Variants in KIAA0408 observed in about 807,000 individuals in gnomAD.
KIAA0408 encodes the protein uncharacterized protein KIAA0408.
A neutral mutation model predicts 60.9 loss-of-function variants in KIAA0408; 51 were observed. The ratio of observed to expected loss-of-function variants is 0.84; its 90% CI spans 0.67 to 1.06. The LOEUF (loss-of-function observed/expected upper bound fraction) is 1.06, where lower values mean the gene tolerates loss of function less well. KIAA0408 is among the 50% of genes least tolerant of loss of function. KIAA0408 has a pLI of 0.00. For missense variants in KIAA0408, 787 were observed against 833.9 expected (o/e 0.94, Z 0.69); for synonymous variants, 304 against 282.4 (o/e 1.08, Z -0.77).
chr6:127,452,743 T>C (rs1583070786), intron 2 of KIAA0408, among the ~76,000 whole-genome samples: 1 of 152,124 alleles, frequency 6.6e-6, no homozygotes, highest in Admixed American at 6.6e-5. Flanking sequence ...CGCTGGAGTT[T>C]TGGATTCTGA....
chr6:127,451,140 A>T (rs1773295709), intron 2 of KIAA0408: 1 of 363,718 alleles, frequency 2.7e-6, no homozygotes, highest in Non-Finnish European at 5.4e-6. Context: ...GGCTTGGGTC[A>T]TGTAAAAGCT....
At chr6:127,451,066 G>A in intron 2 of KIAA0408, 1 of 262,288 alleles carries the variant, frequency 3.8e-6, no homozygotes, top group Non-Finnish European at 7.6e-6. Context: ...TGAGATCTTA[G>A]TTGAACCTGC....
At chr6:127,458,704 G>T (rs1186414028) in intron 1 of KIAA0408, among the ~76,000 whole-genome samples, 1 of 152,158 alleles carries the variant, frequency 6.6e-6, no homozygotes, top group African/African-American at 2.4e-5. Context: ...ACTCTACAGT[G>T]AGTCCACCAC....
Position 127,447,128 on chromosome 6 carries a change from G to T in KIAA0408, c.1191C>A (p.His397Gln). 1.2e-6 allele frequency: 2 copies of T among 1,613,966 alleles called. No homozygotes were observed. The highest frequency in any genetic ancestry group is 1.7e-6 in the Non-Finnish European group (2 of 1,179,960). The change falls in exon 5 of 6, where the codon CAC becomes CAA. Residue 397 changes from histidine to glutamine, a missense_variant. By Grantham distance (24) the His-to-Gln change is conservative. This residue lies in a region of KIAA0408 where 640 missense variants were observed against 681.3 expected (regional missense o/e 0.94). Transcript: ENST00000483725. ...NPKYEMVIPD[H>Q]PAKSHPDLHV... is the part of the protein sequence containing the mutation. Reference sequence around the variant, plus strand: ...GAAGATCAGGATGAGATTTAGCAGGGTGATCTGGGATCACCATTTCATATT... The same window carrying T: ...GAAGATCAGGATGAGATTTAGCAGGTTGATCTGGGATCACCATTTCATATT...
At position 127,453,886 on chromosome 6, in the gene KIAA0408, C is replaced by G. The variant is rs573515663; in HGVS notation, c.96G>C (p.Trp32Cys). 1 of 1,612,768 alleles carries G rather than the reference C, an allele frequency of 6.2e-7. No homozygotes were observed. The highest frequency in any genetic ancestry group is 1.7e-5 in the Admixed American group (1 of 59,942). ...LDQFDNERKE[W>C]ESQWKIMQKK... ...TCTGCATAATCTTCCATTGACTTTC[C>G]CATTCCTTTCTTTCATTGTCAAACT... The change falls in exon 2 of 6, where the codon TGG becomes TGC. Residue 32 changes from tryptophan (W) to cysteine (C), a missense_variant. Coordinates refer to ENST00000483725, the MANE Select transcript of KIAA0408 (RefSeq NM_014702.5).
At chr6:127,449,471 G>A (rs932158793) in intron 4 of KIAA0408, among the ~76,000 whole-genome samples, 1 of 152,004 alleles carries the variant, frequency 6.6e-6, no homozygotes, top group African/African-American at 2.4e-5. Flanking sequence ...CCAACATGGT[G>A]AAATCCCGTC....
chr6:127,446,786 A>T lies in KIAA0408; in HGVS notation c.1533T>A (p.Asn511Lys). 2 of 1,613,848 alleles carry T rather than the reference A, an allele frequency of 1.2e-6. No individual in the cohort carries two copies. The highest frequency in any genetic ancestry group is 1.7e-6 in the Non-Finnish European group (2 of 1,179,956). The part of the protein sequence containing the change: ...MPVPMENVPD[N>K]PTKKSTTGLV... ...GGCCTGTTGTGGATTTCTTGGTGGG[A>T]TTATCAGGCACATTTTCCATGGGCA... is the stretch of plus-strand genomic sequence containing the variant. Residue 511 changes from asparagine to lysine, a missense_variant, in exon 5 of 6, where the codon AAT (asparagine) becomes AAA (lysine). Coordinates refer to ENST00000483725, the MANE Select transcript of KIAA0408 (RefSeq NM_014702.5).
chr6:127,447,113 A>T lies in KIAA0408; in HGVS notation c.1206T>A (p.His402Gln), dbSNP rs1338890314. ...AGTCATTACTTACATGAAGATCAGG[A>T]TGAGATTTAGCAGGGTGATCTGGGA... ...MVIPDHPAKS[H>Q]PDLHVSNDCS... The change falls in exon 5 of 6, where the codon CAT (histidine) becomes CAA (glutamine). Residue 402 changes from histidine (H) to glutamine (Q), a missense_variant. This residue lies in a region of KIAA0408 where 640 missense variants were observed against 681.3 expected (regional missense o/e 0.94). Coordinates refer to ENST00000483725, the MANE Select transcript of KIAA0408 (RefSeq NM_014702.5). The T allele has an allele frequency of 1.2e-6, 2 of 1,613,794 alleles. No individual in the cohort carries two copies. Among genetic ancestry groups the T allele is most frequent in the East Asian group, 4.5e-5 (2 of 44,878 alleles).
In KIAA0408 at chr6:127,444,094, A is replaced by G; in HGVS notation, c.*15T>C. 1 of 1,613,246 alleles carries G rather than the reference A, an allele frequency of 6.2e-7. No individual in the cohort carries two copies. Among genetic ancestry groups the G allele is most frequent in the African/African-American group, 1.3e-5 (1 of 75,004 alleles). ...GGACTAGAACTTCTGTAATATAGCA[A>G]TCCAGGCCAAAGACTTAAACCATCA... On this transcript the variant is annotated 3_prime_UTR_variant, in exon 6 of 6. Transcript: ENST00000483725.
rs1773140425 is a variant in KIAA0408, at chr6:127,443,650, A to G, written c.*459T>C. ...AGTGGATACCTATTAAAAGGTATAC[A>G]AAATATAAACAGTACTGCATATTTT... is the stretch of plus-strand genomic sequence containing the variant. On this transcript the variant is annotated 3_prime_UTR_variant, in exon 6 of 6. Transcript: ENST00000483725. 6.5e-6 allele frequency: 1 copy of G among 153,676 alleles called. No individual in the cohort carries two copies. The highest frequency in any genetic ancestry group is 2.0e-4 in the South Asian group (1 of 4,926). 9.5% of individuals were successfully genotyped at this position (153,676 alleles called of 1,614,324 possible).
intron 5 of KIAA0408, among the ~76,000 whole-genome samples, chr6:127,445,846 G>A (rs1354527262): frequency 2.0e-5 from 3 of 151,914 alleles, no homozygotes; most frequent in African/African-American, 7.2e-5. Context: ...ATACAAATAA[G>A]AATAACCTTA....
In KIAA0408 at chr6:127,443,916, TA is replaced by T. The variant is rs1773143726; in HGVS notation, c.*192del. Reference sequence around the variant, plus strand: ...ATTGGAAAACTAATGAGGATGGCATTAAAAAATTCTGATCTAAGAAATCAAA... The same window carrying T: ...ATTGGAAAACTAATGAGGATGGCATTAAAAATTCTGATCTAAGAAATCAAA... On this transcript the variant is annotated 3_prime_UTR_variant, in exon 6 of 6. Transcript: ENST00000483725. 1 of 564,482 alleles carries T rather than the reference TA, an allele frequency of 1.8e-6. No individual in the cohort carries two copies. The highest frequency in any genetic ancestry group is 1.9e-5 in the African/African-American group (1 of 52,210). 35.0% of individuals were successfully genotyped at this position (564,482 alleles called of 1,614,324 possible).
rs1773123590 is a variant in KIAA0408 at position 127,442,585 on chromosome 6, T to TCAG, written c.*1523_*1524insCTG. On this transcript the variant is annotated 3_prime_UTR_variant, in exon 6 of 6. Coordinates refer to ENST00000483725, the MANE Select transcript of KIAA0408 (RefSeq NM_014702.5). ...CTGTCCTTACAGTAAAGTATGAATC[T>TCAG]AGACATCACCATGCTACAGTCTTGA... The TCAG allele has an allele frequency of 2.6e-5, 4 of 152,214 alleles. No individual in the cohort carries two copies. In the East Asian group the frequency reaches 7.7e-4, roughly 29 times the overall value. The allele number at this position is 152,214 out of a possible 1,614,324, so 9.4% of individuals were successfully genotyped here.
Position 127,447,240 on chromosome 6 carries a change from A to G in KIAA0408, c.1079T>C (p.Met360Thr). ...ACCTATCCCAATGTCACATGACCAC[A>G]TGCTAAGTCCAACATCTTCATTACT... ...PPSNEDVGLS[M>T]WSCDIGIGAK... The change falls in exon 5 of 6, where the codon ATG becomes ACG. Residue 360 changes from methionine (M) to threonine (T), a missense_variant. Physicochemically the swap from Met to Thr is moderately conservative, Grantham distance 81 (BLOSUM62 -1). Around this residue, in one of 3 missense-constraint regions of KIAA0408, gnomAD observed 640 missense variants for 681.3 expected, o/e 0.94. Coordinates refer to ENST00000483725, the MANE Select transcript of KIAA0408 (RefSeq NM_014702.5). The G allele has an allele frequency of 6.2e-7, 1 of 1,613,726 alleles. No individual in the cohort carries two copies. The highest frequency in any genetic ancestry group is 8.5e-7 in the Non-Finnish European group (1 of 1,179,854).
In KIAA0408 at chr6:127,450,002, G is replaced by T. The variant is rs575707998; in HGVS notation, c.486C>A (p.Gly162=). The T allele has an allele frequency of 1.9e-6, 3 of 1,613,678 alleles. No homozygotes were observed. Among genetic ancestry groups the T allele is most frequent in the South Asian group, 2.2e-5 (2 of 91,058 alleles). The change falls in exon 3 of 6, where the codon GGC becomes GGA. Residue 162 remains glycine, a synonymous_variant. Transcript: ENST00000483725. ...TSEEDSKSCS[G]ALSTALEELA... ...ACATCTTACTTACTGTACTGAGGGC[G>T]CCAGAACAGCTCTTGCTGTCTTCCT... is the stretch of plus-strand genomic sequence containing the variant.
Position 127,441,154 on chromosome 6 carries a change from T to C in KIAA0408, c.*2955A>G, listed in dbSNP as rs1278069749. 1.3e-5 allele frequency: 2 copies of C among 152,250 alleles called. No homozygotes were observed. Among genetic ancestry groups the C allele is most frequent in the Non-Finnish European group, 2.9e-5 (2 of 68,020 alleles). 9.4% of individuals were successfully genotyped at this position (152,250 alleles called of 1,614,324 possible). The stretch of plus-strand genomic sequence containing the variant: ...CTAAAAATAACTTTAAAGATCTTTG[T>C]AGGGAAGCAGAAACTCTTAAGTCCA... On this transcript the variant is annotated 3_prime_UTR_variant, in exon 6 of 6. Transcript: ENST00000483725.
At chr6:127,449,017 G>T (rs1773251396) in intron 4 of KIAA0408, among the ~76,000 whole-genome samples, 1 of 152,104 alleles carries the variant, frequency 6.6e-6, no homozygotes, top group Non-Finnish European at 1.5e-5. Flanking sequence ...ACAATATGTT[G>T]TTCTGAAAAG....
rs1434241043 is a variant in KIAA0408 at position 127,443,556 on chromosome 6, A to T, written c.*553T>A. The stretch of plus-strand genomic sequence containing the variant: ...TCTACCAATGTTAGATGTGTGCATA[A>T]TTCTTCTTTTTCATTGTAGCTGGGG... On this transcript the variant is annotated 3_prime_UTR_variant, in exon 6 of 6. Coordinates refer to ENST00000483725, the MANE Select transcript of KIAA0408 (RefSeq NM_014702.5). 1 of 152,360 alleles carries T rather than the reference A, an allele frequency of 6.6e-6. No individual in the cohort carries two copies. The highest frequency in any genetic ancestry group is 2.4e-5 in the African/African-American group (1 of 41,458). 9.4% of individuals were successfully genotyped at this position (152,360 alleles called of 1,614,324 possible).
Position 127,443,678 on chromosome 6 carries a change from A to G in KIAA0408, c.*431T>C, listed in dbSNP as rs916116847. On this transcript the variant is annotated 3_prime_UTR_variant, in exon 6 of 6. Transcript: ENST00000483725. The stretch of plus-strand genomic sequence containing the variant: ...ATATAAACAGTACTGCATATTTTCA[A>G]AACTTTTAAATAAACACAAAGAATA... The G allele has an allele frequency of 1.3e-5, 2 of 157,820 alleles. No homozygotes were observed. The highest frequency in any genetic ancestry group is 4.8e-5 in the African/African-American group (2 of 41,490). 9.8% of individuals were successfully genotyped at this position (157,820 alleles called of 1,614,324 possible).
Sources: allele counts gnomAD v4.1 joint callset (sites outside exome capture counted in the v4.1 genomes callset), GRCh38; gene constraint gnomAD v4.1.1; regional missense constraint gnomAD v4.1.1; transcripts MANE v1.5; gene names NCBI Gene and HGNC (gene_info 2026-07-23, HGNC 2026-07-21).